CR1: variants seen among roughly 807,000 people sequenced by gnomAD.
CR1 encodes complement C3b/C4b receptor 1 (Knops blood group).
A neutral mutation model predicts 187.3 loss-of-function variants in CR1; 116 were observed. That is an observed-to-expected ratio of 0.62 (90% CI 0.53 to 0.72). CR1 has a LOEUF of 0.72. CR1 is among the 30% of genes least tolerant of loss of function. The pLI is 0.00. For synonymous variants in CR1, 576 were observed against 747.1 expected, an observed-to-expected ratio of 0.77 and a Z score of 3.73; for missense variants, 1,731 against 2,110.7, an observed-to-expected ratio of 0.82 and a Z score of 3.52.
chr1:207,496,508 G>C (rs1050700047), intron 1 of CR1, 120 bp downstream of exon 1: 1 of 1,058,086 alleles, frequency 9.5e-7, no homozygotes, highest in African/African-American at 1.7e-5. Context: ...AAGGCAGCGC[G>C]ATGGGTGGGC....
rs1257486895 is a variant in CR1 at position 207,609,467 on chromosome 1, T to C, written c.6074T>C (p.Val2025Ala). Residue 2025 changes from valine to alanine, a missense_variant, in exon 37 of 47, where the codon GTT becomes GCT. Physicochemically the swap from Val to Ala is moderately conservative, Grantham distance 64 (BLOSUM62 0). Coordinates refer to ENST00000367049, the MANE Select transcript of CR1 (RefSeq NM_000651.6). The stretch of plus-strand genomic sequence containing the variant: ...TATTGCACCAGCAAAGATGATCAAG[T>C]TGGTGTTTGGAGCAGCCCTCCCCCT... ...SIYCTSKDDQ[V>A]GVWSSPPPRC... The C allele has an allele frequency of 3.1e-6, 5 of 1,613,898 alleles. No homozygotes were observed. In the African/African-American group the frequency reaches 5.3e-5, roughly 17 times the overall value.
In CR1 at chr1:207,587,500, G is replaced by A; in HGVS notation, c.5645G>A (p.Gly1882Glu). 6.2e-7 allele frequency: 1 copy of A among 1,613,960 alleles called. No individual in the cohort carries two copies. Among genetic ancestry groups the A allele is most frequent in the African/African-American group, 1.3e-5 (1 of 75,050 alleles). Residue 1882 changes from glycine to glutamate, a missense_variant, in exon 34 of 47, where the codon GGG becomes GAG. Gly to Glu is a moderately conservative substitution (Grantham distance 98). This residue lies in a region of CR1 where 1,312 missense variants were observed against 1,379.6 expected (regional missense o/e 0.95). Coordinates refer to ENST00000367049, the MANE Select transcript of CR1 (RefSeq NM_000651.6). Reference protein sequence around the residue: ...LNYECRPGYFGKMFSISCLEN... With the variant: ...LNYECRPGYFEKMFSISCLEN... The stretch of plus-strand genomic sequence containing the variant: ...TATGAATGCCGTCCTGGGTATTTTG[G>A]GAAAATGTTCTCTATCTCCTGCCTA...
chr1:207,638,739 T>C (rs1478486352), intron 46 of CR1, among the ~76,000 whole-genome samples: 1 of 152,240 alleles, frequency 6.6e-6, no homozygotes, highest in Non-Finnish European at 1.5e-5. Context: ...TTCGCCATTA[T>C]AGTCTGAATC....
Position 207,588,722 on chromosome 1 carries a change from A to G in CR1, c.5758A>G (p.Ile1920Val), listed in dbSNP as rs374969058. The G allele has an allele frequency of 4.3e-6, 7 of 1,613,010 alleles. No homozygotes were observed. In the African/African-American group the frequency reaches 8.0e-5, roughly 18 times the overall value. ...PPEPFNGMVH[I>V]NTDTQFGSTV... Reference sequence around the variant, plus strand: ...AGAACCCTTCAATGGAATGGTGCATATAAACACAGATACACAGTTTGGATC... The same window carrying G: ...AGAACCCTTCAATGGAATGGTGCATGTAAACACAGATACACAGTTTGGATC... Residue 1920 changes from isoleucine (I) to valine (V), a missense_variant, in exon 35 of 47, where the codon ATA (isoleucine) becomes GTA (valine). Transcript: ENST00000367049.
Position 207,584,604 on chromosome 1 carries a change from C to A in CR1, c.5303-45C>A. 3 of 1,596,256 alleles carry A rather than the reference C, an allele frequency of 1.9e-6. No homozygotes were observed. In the South Asian group the frequency reaches 3.4e-5, roughly 18 times the overall value. On this transcript the variant is annotated intron_variant, in intron 32 of 46. Transcript: ENST00000367049. The stretch of plus-strand genomic sequence containing the variant: ...AACTGTAGAATCACCTTGGATTATA[C>A]TTTAAAATTTTTTATGGAATTGAGA...
chr1:207,637,198 CTG>C (rs1348070670), intron 46 of CR1, among the ~76,000 whole-genome samples: 2 of 151,584 alleles, frequency 1.3e-5, no homozygotes, highest in African/African-American at 4.9e-5. Flanking sequence ...GGTAGAAAGA[CTG>C]TAATTTTTTA....
At chr1:207,615,837 G>A (rs1055062614) in intron 40 of CR1, among the ~76,000 whole-genome samples, 3 of 152,124 alleles carry the variant, frequency 2.0e-5, no homozygotes, top group African/African-American at 7.2e-5. Flanking sequence ...TAAAATTCAA[G>A]CATGAGAAGT....
intron 32 of CR1, 43 bp downstream of exon 32, chr1:207,582,046 T>C (rs774707357): frequency 6.8e-7 from 1 of 1,460,762 alleles, no homozygotes; most frequent in South Asian, 1.2e-5. Context: ...CTTTCTGTTT[T>C]TTTCTTAATA....
intron 1 of CR1, among the ~76,000 whole-genome samples, chr1:207,501,939 C>T (rs570479752): frequency 6.6e-6 from 1 of 151,566 alleles, no homozygotes; most frequent in African/African-American, 2.4e-5. Context: ...TTACAGTATC[C>T]TCAAAGTGCT....
rs1412038158 is a variant in CR1 at position 207,614,399 on chromosome 1, T to A, written c.6576-5T>A. On this transcript the variant is annotated splice_region_variant and splice_polypyrimidine_tract_variant and intron_variant, in intron 39 of 46. Coordinates refer to ENST00000367049, the MANE Select transcript of CR1 (RefSeq NM_000651.6). The stretch of plus-strand genomic sequence containing the variant: ...CACATTTGCTACCACTTTTTTTTTC[T>A]TTAGGTTCCGATTAAAAGGCAGGTC... 12 of 1,607,644 alleles carry A rather than the reference T, an allele frequency of 7.5e-6. No homozygotes were observed. The East Asian group carries it at 2.5e-4, about 33-fold the overall frequency.
rs1180609494 is a variant in CR1 at position 207,618,267 on chromosome 1, T to G, written c.7066+20T>G. 3 of 1,609,758 alleles carry G rather than the reference T, an allele frequency of 1.9e-6. No homozygotes were observed. The East Asian group carries it at 6.7e-5, about 36-fold the overall frequency. ...GCAAAGGTGACTTATTTCTTGGTAT[T>G]CCTTATTCTTGCTGGGTTGTATGGA... On this transcript the variant is annotated intron_variant, in intron 42 of 46. Transcript: ENST00000367049.
intron 35 of CR1, among the ~76,000 whole-genome samples, chr1:207,598,389 A>G (rs1038252340): frequency 6.6e-6 from 1 of 151,504 alleles, no homozygotes; most frequent in African/African-American, 2.4e-5. Context: ...TAAGATATTG[A>G]TACTTGGTCC....
chr1:207,519,447 CT>C (rs2102300479), intron 4 of CR1, among the ~76,000 whole-genome samples: 1 of 152,082 alleles, frequency 6.6e-6, no homozygotes, highest in South Asian at 2.1e-4. Context: ...TCCCCAGTAG[CT>C]TTTAAGTTAT....
At chr1:207,631,101 C>G (rs987725906) in intron 46 of CR1, among the ~76,000 whole-genome samples, 1 of 152,154 alleles carries the variant, frequency 6.6e-6, no homozygotes, top group Non-Finnish European at 1.5e-5. Flanking sequence ...TTCTTTTGGT[C>G]CTCATTCCCT....
chr1:207,522,170 C>A (rs1054484190), intron 4 of CR1, among the ~76,000 whole-genome samples: 2 of 152,036 alleles, frequency 1.3e-5, no homozygotes, highest in African/African-American at 4.8e-5. Context: ...CTTAGATAAC[C>A]CATCTTCTTC....
At position 207,612,006 on chromosome 1, in the gene CR1, G is replaced by A; in HGVS notation, c.6540G>A (p.Gln2180=). Residue 2180 remains glutamine (Q), a synonymous_variant, in exon 39 of 47, where the codon CAG becomes CAA. Transcript: ENST00000367049. ...HGRVLLPLNL[Q]LGAKVSFVCD... ...GTGTGCTACTTCCACTTAATCTCCA[G>A]CTTGGGGCAAAGGTGTCCTTTGTTT... 2 of 1,613,978 alleles carry A rather than the reference G, an allele frequency of 1.2e-6. No homozygotes were observed. The highest frequency in any genetic ancestry group is 1.7e-6 in the Non-Finnish European group (2 of 1,179,888).
chr1:207,607,316 A>G lies in CR1; in HGVS notation c.5876A>G (p.Lys1959Arg). 6.2e-7 allele frequency: 1 copy of G among 1,612,998 alleles called. No homozygotes were observed. Among genetic ancestry groups the G allele is most frequent in the South Asian group, 1.1e-5 (1 of 91,040 alleles). The stretch of plus-strand genomic sequence containing the variant: ...TCAGGCAATAATGTCACATGGGATA[A>G]GAAGGCACCTATTTGTGAGAGTAAG... ...LVSGNNVTWD[K>R]KAPICEIISC... Residue 1959 changes from lysine to arginine, a missense_variant, in exon 36 of 47, where the codon AAG (lysine) becomes AGG (arginine). By Grantham distance (26) the Lys-to-Arg change is conservative (BLOSUM62 2). Around this residue, in one of 5 missense-constraint regions of CR1, gnomAD observed 1,312 missense variants for 1,379.6 expected, o/e 0.95. Transcript: ENST00000367049.
chr1:207,585,174 A>G (rs1257839933), intron 33 of CR1, among the ~76,000 whole-genome samples: 1 of 152,158 alleles, frequency 6.6e-6, no homozygotes, highest in Non-Finnish European at 1.5e-5. Flanking sequence ...AGAAAAATGT[A>G]TTCACTGGAG....
At chr1:207,617,608 TATATAGAG>T (rs1398461767) in intron 41 of CR1, among the ~76,000 whole-genome samples, 189 of 12,134 alleles carry the variant, frequency 0.016, no homozygotes, top group Middle Eastern at 0.11. Flanking sequence ...TATATATATA[TATATAGAG>T]AGAGAGAGAG....
Sources: gnomAD v4.1 joint callset for allele counts (sites outside exome capture counted in the v4.1 genomes callset) on GRCh38, gnomAD v4.1.1 for gene constraint, gnomAD v4.1.1 regional missense constraint, MANE v1.5 for transcripts, NCBI Gene and HGNC (gene_info 2026-07-23, HGNC 2026-07-21) for gene names.